The following GOLGA7B variants were observed in gnomAD, a reference collection of about 807,000 sequenced individuals.
GOLGA7B encodes golgin A7 family member B.
In GOLGA7B, 17 loss-of-function variants were observed where a neutral mutation model predicts 21.5. The observed-to-expected ratio is 0.79, with a 90% CI of 0.54 to 1.19. The LOEUF (loss-of-function observed/expected upper bound fraction) is 1.19, where lower values mean the gene tolerates loss of function less well. GOLGA7B is among the 50% of genes most tolerant of loss of function. GOLGA7B has a pLI of 0.00. For synonymous variants in GOLGA7B, 87 were observed against 84.0 expected (o/e 1.04, Z -0.19); for missense variants, 169 against 224.4 (o/e 0.75, Z 1.58).
chr10:97,865,780 C>T lies in GOLGA7B; in HGVS notation c.*80C>T. 4 of 1,478,432 alleles carry T rather than the reference C, an allele frequency of 2.7e-6. No homozygotes were observed. Among genetic ancestry groups the T allele is most frequent in the East Asian group, 2.4e-5 (1 of 40,886 alleles). 91.6% of individuals were successfully genotyped at this position (1,478,432 alleles called of 1,614,324 possible). A position where few individuals can be genotyped will look rare whatever the true frequency, so the allele number is the denominator to read the frequency against. ...CTGCGGCGGCTGCGCTACCAGAGCA[C>T]CCGCTTCTGAGTCATTCTTTGGGCT... On this transcript the variant is annotated 3_prime_UTR_variant, in exon 5 of 5. Coordinates refer to ENST00000370602, the MANE Select transcript of GOLGA7B (RefSeq NM_001010917.3).
In GOLGA7B at chr10:97,864,049, C is replaced by G. The variant is rs1267548316; in HGVS notation, c.258C>G (p.Phe86Leu). The G allele has an allele frequency of 6.2e-7, 1 of 1,614,172 alleles. No homozygotes were observed. The highest frequency in any genetic ancestry group is 8.5e-7 in the Non-Finnish European group (1 of 1,180,010). Residue 86 changes from phenylalanine (F) to leucine (L), a missense_variant, in exon 3 of 5, where the codon TTC (phenylalanine) becomes TTG (leucine). Coordinates refer to ENST00000370602, the MANE Select transcript of GOLGA7B (RefSeq NM_001010917.3). Reference sequence around the variant, plus strand: ...GCCTGGCCTGCGCCACGGCCTACTTCATCTTCCTCTGCATGGAGACCCACT... The same window carrying G: ...GCCTGGCCTGCGCCACGGCCTACTTGATCTTCCTCTGCATGGAGACCCACT... Reference protein sequence around the residue: ...EGCLACATAYFIFLCMETHYE... With the variant: ...EGCLACATAYLIFLCMETHYE...
chr10:97,861,803 G>A (rs2049972669), intron 2 of GOLGA7B, among the ~76,000 whole-genome samples: 1 of 152,244 alleles, frequency 6.6e-6, no homozygotes, highest in Non-Finnish European at 1.5e-5. Flanking sequence ...TAGCATGCTT[G>A]TCCTTTAGGG....
At chr10:97,865,341 C>T (rs1228250178) in intron 4 of GOLGA7B, 1 of 515,878 alleles carries the variant, frequency 1.9e-6, no homozygotes, top group Non-Finnish European at 3.2e-6. Flanking sequence ...AGGGCAGCGA[C>T]CCTGTCTGCT....
At position 97,849,918 on chromosome 10, in the gene GOLGA7B, C is replaced by A. The variant is rs1057351060; in HGVS notation, c.-386C>A. 2 of 152,142 alleles carry A rather than the reference C, an allele frequency of 1.3e-5. No individual in the cohort carries two copies. The highest frequency in any genetic ancestry group is 1.9e-4 in the East Asian group (1 of 5,154). 9.4% of individuals were successfully genotyped at this position (152,142 alleles called of 1,614,324 possible). A position where few individuals can be genotyped will look rare whatever the true frequency, so the allele number is the denominator to read the frequency against. On this transcript the variant is annotated 5_prime_UTR_variant, in exon 1 of 5. Coordinates refer to ENST00000370602, the MANE Select transcript of GOLGA7B (RefSeq NM_001010917.3). ...CGGAGTCTGGGGGCCGCGGCTTCCCCCTCCCGGCCAGCGGCGGCTCCTGGC... is the reference window on the plus strand; with the variant it reads ...CGGAGTCTGGGGGCCGCGGCTTCCCACTCCCGGCCAGCGGCGGCTCCTGGC...
intron 1 of GOLGA7B, among the ~76,000 whole-genome samples, chr10:97,852,380 C>G (rs748471021): frequency 2.0e-5 from 3 of 152,040 alleles, no homozygotes; most frequent in African/African-American, 7.3e-5. Context: ...GGCAGAGGGA[C>G]AGAGGAAAGT....
chr10:97,864,352 C>T (rs2049995883), intron 4 of GOLGA7B, 83 bp downstream of exon 4: 2 of 1,134,516 alleles, frequency 1.8e-6, no homozygotes, highest in South Asian at 1.3e-5. Flanking sequence ...GAAACGAGGC[C>T]ACCTTAGGGG....
chr10:97,861,019 TA>T (rs780373462), intron 2 of GOLGA7B, among the ~76,000 whole-genome samples: 3 of 152,206 alleles, frequency 2.0e-5, no homozygotes, highest in Non-Finnish European at 4.4e-5. Flanking sequence ...TCCTTGTTAC[TA>T]AAACTGTGGC....
chr10:97,861,018 C>G (rs1564866080), intron 2 of GOLGA7B, among the ~76,000 whole-genome samples: 1 of 152,326 alleles, frequency 6.6e-6, no homozygotes, highest in East Asian at 1.9e-4. Context: ...GTCCTTGTTA[C>G]TAAAACTGTG....
At position 97,853,505 on chromosome 10, in the gene GOLGA7B, C is replaced by G. The variant is rs576136705; in HGVS notation, c.12+3190C>G. 2.0e-5 allele frequency among the ~76,000 whole-genome samples: 3 copies of G among 152,318 alleles called. No individual in the cohort carries two copies. In the East Asian group the frequency reaches 5.8e-4, roughly 29 times the overall value. On this transcript the variant is annotated intron_variant, in intron 1 of 4. Transcript: ENST00000370602. ...TACCCACTCTCCAGGCAGACTCCCC[C>G]TCCTTCTCATACTGCAGTTTGAAAA...
chr10:97,853,121 A>G (rs966977776), intron 1 of GOLGA7B, among the ~76,000 whole-genome samples: 3 of 152,196 alleles, frequency 2.0e-5, no homozygotes, highest in African/African-American at 7.2e-5. Context: ...ATTAATGATG[A>G]GTAGACAACT....
chr10:97,864,496 T>C (rs1378899516), intron 4 of GOLGA7B, among the ~76,000 whole-genome samples: 1 of 152,202 alleles, frequency 6.6e-6, no homozygotes, highest in South Asian at 2.1e-4. Context: ...GCTTAGAATA[T>C]GCCAGCTATC....
chr10:97,865,630 G>A lies in GOLGA7B; in HGVS notation c.434G>A (p.Ser145Asn). The A allele has an allele frequency of 6.2e-7, 1 of 1,613,080 alleles. No individual in the cohort carries two copies. The highest frequency in any genetic ancestry group is 8.5e-7 in the Non-Finnish European group (1 of 1,179,618). Residue 145 changes from serine to asparagine, a missense_variant, in exon 5 of 5, where the codon AGC (serine) becomes AAC (asparagine). Ser to Asn is a conservative substitution (Grantham distance 46). Transcript: ENST00000370602. ...TACGAGGACCGGTGCAGCAGTGGCA[G>A]CTCCAGCAGCGGCAGCAGCAGCGGC... ...SIYEDRCSSGSSSSGSSSGSG... is the reference protein window; with the variant it reads ...SIYEDRCSSGNSSSGSSSGSG...
chr10:97,860,729 A>G (rs1298294181), intron 2 of GOLGA7B, among the ~76,000 whole-genome samples: 3 of 152,206 alleles, frequency 2.0e-5, no homozygotes, highest in Admixed American at 6.5e-5. Flanking sequence ...CATAGATTAC[A>G]CTTGGAATTG....
At chr10:97,857,314 C>T (rs1402601858) in intron 1 of GOLGA7B, among the ~76,000 whole-genome samples, 5 of 151,142 alleles carry the variant, frequency 3.3e-5, no homozygotes, top group African/African-American at 1.2e-4. Flanking sequence ...TTTCCCAGCA[C>T]CATTCATTGA....
In GOLGA7B at chr10:97,867,549, G is replaced by C. The variant is rs769372523; in HGVS notation, c.*1849G>C. 2 of 152,328 alleles carry C rather than the reference G, an allele frequency of 1.3e-5. No individual in the cohort carries two copies. The highest frequency in any genetic ancestry group is 2.9e-5 in the Non-Finnish European group (2 of 68,166). 9.4% of individuals were successfully genotyped at this position (152,328 alleles called of 1,614,324 possible). On this transcript the variant is annotated 3_prime_UTR_variant, in exon 5 of 5. Coordinates refer to ENST00000370602, the MANE Select transcript of GOLGA7B (RefSeq NM_001010917.3). ...AAGTCCTCGGCCCAAGTGAGTCCTG[G>C]TCCAAGGATCCCCCTGGAGAGCCGC...
chr10:97,860,293 CTT>C (rs1256134494), intron 2 of GOLGA7B, among the ~76,000 whole-genome samples: 1 of 152,116 alleles, frequency 6.6e-6, no homozygotes, highest in African/African-American at 2.4e-5. Flanking sequence ...CAGTTATACT[CTT>C]TTAGTTATTT....
In GOLGA7B at chr10:97,849,988, A is replaced by T. The variant is rs1474576972; in HGVS notation, c.-316A>T. Among the ~76,000 whole-genome samples, 1 of 148,896 alleles carries T rather than the reference A, an allele frequency of 6.7e-6. No individual in the cohort carries two copies. The highest frequency in any genetic ancestry group is 1.5e-5 in the Non-Finnish European group (1 of 67,054). On this transcript the variant is annotated 5_prime_UTR_variant, in exon 1 of 5. Coordinates refer to ENST00000370602, the MANE Select transcript of GOLGA7B (RefSeq NM_001010917.3). ...CCCATCCCCGCCGCCGCCGCCGCCA[A>T]AGCTAAACCCGGCCGTTGCCTGCAG...
At chr10:97,859,018 G>A (rs1262748982) in intron 1 of GOLGA7B, among the ~76,000 whole-genome samples, 2 of 152,240 alleles carry the variant, frequency 1.3e-5, no homozygotes, top group Non-Finnish European at 2.9e-5. Flanking sequence ...GCACGTGCAC[G>A]TGCGAGAGAG....
At position 97,865,674 on chromosome 10, in the gene GOLGA7B, G is replaced by T. The variant is rs767364497; in HGVS notation, c.478G>T (p.Gly160Trp). The change falls in exon 5 of 5, where the codon GGG becomes TGG. Residue 160 changes from glycine to tryptophan, a missense_variant. Transcript: ENST00000370602. The stretch of plus-strand genomic sequence containing the variant: ...CAGCGGCAGTGGCAGCAGCAGCGGT[G>T]GGGGTGGTGGGGCGGGGGCCCGGTG... ...SSSGSGSSSG[G>W]GGGAGAR 6.2e-7 allele frequency: 1 copy of T among 1,608,270 alleles called. No homozygotes were observed. Among genetic ancestry groups the T allele is most frequent in the African/African-American group, 1.3e-5 (1 of 74,928 alleles).
Sources: allele counts gnomAD v4.1 joint callset (sites outside exome capture counted in the v4.1 genomes callset), GRCh38; gene constraint gnomAD v4.1.1; transcripts MANE v1.5; gene names NCBI Gene and HGNC (gene_info 2026-07-23, HGNC 2026-07-21).